GABRA3: variants seen among roughly 807,000 people sequenced by gnomAD.
The protein encoded by GABRA3 is gamma-aminobutyric acid type A receptor subunit alpha3.
A neutral mutation model predicts 30.1 loss-of-function variants in GABRA3; 10 were observed. The ratio of observed to expected loss-of-function variants is 0.33; its 90% CI spans 0.20 to 0.56. GABRA3 has a LOEUF of 0.56. Ranked by LOEUF, GABRA3 falls within the 20% of genes least tolerant of loss-of-function variation. GABRA3 has a pLI of 0.89. For synonymous variants in GABRA3, 151 were observed against 146.8 expected (o/e 1.03, Z -0.21); for missense variants, 233 against 392.0 (o/e 0.59, Z 3.42).
intron 3 of GABRA3, among the ~76,000 whole-genome samples, chrX:152,326,863 T>A (rs1472995777): frequency 9.0e-6 from 1 of 111,044 alleles, no homozygotes; most frequent in Non-Finnish European, 1.9e-5. Context: ...ATATTATCCT[T>A]AAATGTAAAT....
intron 3 of GABRA3, among the ~76,000 whole-genome samples, chrX:152,330,753 A>G (rs1343915397): frequency 9.1e-6 from 1 of 109,576 alleles, no homozygotes; most frequent in Non-Finnish European, 1.9e-5. Context: ...AATGTAAATG[A>G]CGAGTTAATA....
chrX:152,168,688 A>G (rs1936967511), intron 9 of GABRA3, 125 bp from the exon 10 acceptor site: 1 of 493,690 alleles, frequency 2.0e-6, no homozygotes, highest in Non-Finnish European at 3.5e-6. Context: ...CACAGGGGCC[A>G]TGTAGCCAAT....
At chrX:152,387,610 A>T (rs1040495025) in intron 1 of GABRA3, among the ~76,000 whole-genome samples, 1 of 111,594 alleles carries the variant, frequency 9.0e-6, no homozygotes, top group Non-Finnish European at 1.9e-5. Context: ...TTTTAAGCTA[A>T]AACACAGAAA....
intron 2 of GABRA3, among the ~76,000 whole-genome samples, chrX:152,347,220 A>C (rs1456553718): frequency 8.9e-6 from 1 of 111,782 alleles, no homozygotes; most frequent in Non-Finnish European, 1.9e-5. Context: ...CATTATGCTA[A>C]GTGAAATAAG....
chrX:152,295,079 G>A (rs1939501601), intron 3 of GABRA3, among the ~76,000 whole-genome samples: 1 of 111,759 alleles, frequency 8.9e-6, no homozygotes, highest in African/African-American at 3.3e-5. Flanking sequence ...TCATACCAGA[G>A]GGTTACCCGC....
intron 2 of GABRA3, among the ~76,000 whole-genome samples, chrX:152,346,112 G>C (rs1569403454): frequency 8.9e-6 from 1 of 111,821 alleles, no homozygotes; most frequent in Non-Finnish European, 1.9e-5. Flanking sequence ...TTCTAGCCCA[G>C]AGAAATTTAA....
chrX:152,357,547 T>C (rs1393092456), intron 2 of GABRA3, among the ~76,000 whole-genome samples: 1 of 111,672 alleles, frequency 9.0e-6, no homozygotes, highest in East Asian at 2.8e-4. Flanking sequence ...ATGCACACCT[T>C]ACAAATATTT....
intron 1 of GABRA3, chrX:152,394,290 T>G (rs951354688): frequency 3.3e-6 from 1 of 299,538 alleles, no homozygotes; most frequent in African/African-American, 2.7e-5. Context: ...TATCCATTAT[T>G]GTAAATATGA....
At chrX:152,312,439 A>G (rs765218817) in intron 3 of GABRA3, among the ~76,000 whole-genome samples, 1 of 112,282 alleles carries the variant, frequency 8.9e-6, no homozygotes, top group South Asian at 3.7e-4. Flanking sequence ...CCATATGCAG[A>G]AGATCGAAAC....
chrX:152,387,314 C>G (rs1186845312), intron 1 of GABRA3, among the ~76,000 whole-genome samples: 1 of 110,907 alleles, frequency 9.0e-6, no homozygotes, highest in Non-Finnish European at 1.9e-5. Flanking sequence ...AAAGAAGCCA[C>G]AAAGGAAAAT....
chrX:152,171,825 C>T (rs945578339), intron 9 of GABRA3, among the ~76,000 whole-genome samples: 4 of 112,047 alleles, frequency 3.6e-5, no homozygotes, highest in South Asian at 3.7e-4. Flanking sequence ...AGAACAGGAA[C>T]GCCTTTCCTT....
intron 3 of GABRA3, among the ~76,000 whole-genome samples, chrX:152,321,900 C>A (rs1939970292): frequency 9.0e-6 from 1 of 111,083 alleles, no homozygotes; most frequent in Admixed American, 9.6e-5. Flanking sequence ...CCACTCCTCT[C>A]CTCTCCATCA....
At chrX:152,327,816 T>C (rs1307496416) in intron 3 of GABRA3, among the ~76,000 whole-genome samples, 3 of 111,000 alleles carry the variant, frequency 2.7e-5, no homozygotes, top group Non-Finnish European at 5.7e-5. Context: ...GCAAACACAT[T>C]CAAAAGCTAG....
chrX:152,232,489 C>T (rs1290265411), intron 5 of GABRA3, among the ~76,000 whole-genome samples: 1 of 109,866 alleles, frequency 9.1e-6, no homozygotes, highest in Admixed American at 9.8e-5. Context: ...TATTTAGTTC[C>T]CACTTATAAA....
At chrX:152,327,523 A>T (rs1284583681) in intron 3 of GABRA3, among the ~76,000 whole-genome samples, 1 of 112,119 alleles carries the variant, frequency 8.9e-6, no homozygotes. Context: ...AGTGCAATCA[A>T]ACTAGAACTC....
At chrX:152,432,888 A>G (rs1049372854) in intron 1 of GABRA3, among the ~76,000 whole-genome samples, 1 of 111,257 alleles carries the variant, frequency 9.0e-6, no homozygotes, top group Non-Finnish European at 1.9e-5. Context: ...TCTGTAATCA[A>G]GCAGATTTTT....
At chrX:152,421,798 T>A (rs778469863) in intron 1 of GABRA3, among the ~76,000 whole-genome samples, 1 of 111,801 alleles carries the variant, frequency 8.9e-6, no homozygotes, top group Non-Finnish European at 1.9e-5. Flanking sequence ...GAAATTATGA[T>A]CAATCTCAAA....
chrX:152,352,589 G>A (rs779838312), intron 2 of GABRA3, among the ~76,000 whole-genome samples: 7 of 111,438 alleles, frequency 6.3e-5, no homozygotes, highest in African/African-American at 2.0e-4. Context: ...AGTTGCTGAC[G>A]CAGTTCATAC....
At chrX:152,346,884 T>C (rs1204488297) in intron 2 of GABRA3, among the ~76,000 whole-genome samples, 2 of 111,756 alleles carry the variant, frequency 1.8e-5, no homozygotes, top group Non-Finnish European at 3.8e-5. Context: ...CCTCGTACAC[T>C]GTTGGTGGGA....
Sources: gnomAD v4.1 joint callset for allele counts (sites outside exome capture counted in the v4.1 genomes callset) on GRCh38, gnomAD v4.1.1 for gene constraint, MANE v1.5 for transcripts, NCBI Gene and HGNC (gene_info 2026-07-23, HGNC 2026-07-21) for gene names.